The following SLC15A5 variants were observed in gnomAD, a reference collection of about 807,000 sequenced individuals.
SLC15A5 encodes the protein solute carrier family 15 member 5, also known as Peptide/histidine transporter ENSP00000340402.
Under a neutral mutation model 56.1 loss-of-function variants are expected in SLC15A5, and 58 were observed. That is an observed-to-expected ratio of 1.03 (90% confidence interval 0.84 to 1.29). The LOEUF (loss-of-function observed/expected upper bound fraction) is 1.29. Ranked by LOEUF, SLC15A5 falls within the 50% of genes most tolerant of loss-of-function variation. The pLI, the probability that SLC15A5 is intolerant of heterozygous loss-of-function variation, is 0.00. For synonymous variants in SLC15A5, 264 were observed against 250.5 expected, an observed-to-expected ratio of 1.05 and a Z score of -0.51; for missense variants, 681 against 672.1, an observed-to-expected ratio of 1.01 and a Z score of -0.15.
intron 7 of SLC15A5, among the ~76,000 whole-genome samples, chr12:16,215,657 C>G (rs1463959796): frequency 6.6e-6 from 1 of 152,164 alleles, no homozygotes; most frequent in African/African-American, 2.4e-5. Flanking sequence ...TGGATCATAT[C>G]TCACACAATT....
At chr12:16,272,086 A>AT (rs1471432289) in intron 2 of SLC15A5, among the ~76,000 whole-genome samples, 14 of 152,158 alleles carry the variant, frequency 9.2e-5, no homozygotes, top group Non-Finnish European at 1.5e-4. Context: ...AACAGCTACC[A>AT]TTTTTTGATC....
intron 3 of SLC15A5, among the ~76,000 whole-genome samples, chr12:16,253,071 T>C (rs4764256): frequency 6.6e-6 from 1 of 151,796 alleles, no homozygotes; most frequent in Non-Finnish European, 1.5e-5. Context: ...TAGGGCGGGG[T>C]AAATCGGATA....
At chr12:16,236,872 A>G (rs372600364) in intron 5 of SLC15A5, among the ~76,000 whole-genome samples, 1 of 152,218 alleles carries the variant, frequency 6.6e-6, no homozygotes, top group African/African-American at 2.4e-5. Context: ...ATTAACTTCT[A>G]TAATCTAACA....
At position 16,193,780 on chromosome 12, in the gene SLC15A5, GGAGAGAGAGA is replaced by G. The variant is rs766458422; in HGVS notation, c.1592+555_1592+564del. On this transcript the variant is annotated intron_variant, in intron 8 of 8. Transcript: ENST00000344941. ...ACAGCTGTCCAAGAATATGTCAAGG[GGAGAGAGAGA>G]GAGAGAGAGAGAGAGAGAGAGAGAG... Among the ~76,000 whole-genome samples, 438 of 75,756 alleles carry G rather than the reference GGAGAGAGAGA, an allele frequency of 5.8e-3. 36 individuals carry two copies. Among genetic ancestry groups the G allele is most frequent in the Middle Eastern group, 0.026 (3 of 116 alleles). The allele number at this position is 75,756 out of a possible 152,430, so 49.7% of individuals were successfully genotyped here. A position where few individuals can be genotyped will look rare whatever the true frequency, so the allele number is the denominator to read the frequency against.
rs922482621 is a variant in SLC15A5 at position 16,221,697 on chromosome 12, A to C, written c.1351+2717T>G. ...GAGAAGAACACCACAACTGTTTTGA[A>C]GAGAATGGACTCATGGGGCAGGAGA... On this transcript the variant is annotated intron_variant, in intron 6 of 8. Coordinates refer to ENST00000344941, the MANE Select transcript of SLC15A5 (RefSeq NM_001170798.1). 7.2e-5 allele frequency among the ~76,000 whole-genome samples: 11 copies of C among 152,304 alleles called. No homozygotes were observed. The East Asian group carries it at 1.7e-3, about 24-fold the overall frequency.
intron 1 of SLC15A5, among the ~76,000 whole-genome samples, chr12:16,273,444 A>T (rs553881437): frequency 2.3e-4 from 35 of 152,196 alleles, no homozygotes; most frequent in Admixed American, 1.1e-3. Flanking sequence ...AAGGTCGAGT[A>T]TCCTTCTCTC....
rs1406400077 is a variant in SLC15A5 at position 16,257,715 on chromosome 12, TA to T, written c.739del (p.Tyr247IlefsTer10). 1 of 1,469,476 alleles carries T rather than the reference TA, an allele frequency of 6.8e-7. No homozygotes were observed. The highest frequency in any genetic ancestry group is 2.6e-5 in the East Asian group (1 of 37,988). The allele number at this position is 1,469,476 out of a possible 1,614,324, so 91.0% of individuals were successfully genotyped here. A position where few individuals can be genotyped will look rare whatever the true frequency, so the allele number is the denominator to read the frequency against. ...AATTTACTTACGTTTTTCTGACTGA[TA>T]AATTAGGTTGTAGTATATCATATGA... ...TLHMIYYNLI[Y>X]QSEKRCSLLT... On this transcript the variant is annotated frameshift_variant, in exon 3 of 9. Coordinates refer to ENST00000344941, the MANE Select transcript of SLC15A5 (RefSeq NM_001170798.1). LOFTEE classifies it high-confidence loss of function.
In SLC15A5 at chr12:16,217,031, G is replaced by T; in HGVS notation, c.1352-7C>A. 1 of 1,527,082 alleles carries T rather than the reference G, an allele frequency of 6.5e-7. No homozygotes were observed. Among genetic ancestry groups the T allele is most frequent in the Non-Finnish European group, 8.7e-7 (1 of 1,144,010 alleles). 94.6% of individuals were successfully genotyped at this position (1,527,082 alleles called of 1,614,324 possible). On this transcript the variant is annotated splice_region_variant and splice_polypyrimidine_tract_variant and intron_variant, in intron 6 of 8. Transcript: ENST00000344941. ...CTGTATGATATTACAGAGACTGAGA[G>T]AAAAAGAGAGGTCAGAATTTAGAAC...
At chr12:16,194,973 A>G (rs1863879220) in intron 7 of SLC15A5, among the ~76,000 whole-genome samples, 1 of 152,076 alleles carries the variant, frequency 6.6e-6, no homozygotes, top group Non-Finnish European at 1.5e-5. Flanking sequence ...ACCTTATGAT[A>G]ATATCACAGA....
chr12:16,233,240 C>CA (rs1864315395), intron 5 of SLC15A5, among the ~76,000 whole-genome samples: 1 of 152,048 alleles, frequency 6.6e-6, no homozygotes. Flanking sequence ...GCATTACCAG[C>CA]AAAAGTTTAG....
chr12:16,259,905 G>GGC (rs996006244), intron 2 of SLC15A5, among the ~76,000 whole-genome samples: 12 of 146,406 alleles, frequency 8.2e-5, no homozygotes, highest in South Asian at 4.2e-4. Context: ...CCCGGGCGGG[G>GGC]GGTAAGTTAG....
chr12:16,265,857 G>T (rs1864689990), intron 2 of SLC15A5, among the ~76,000 whole-genome samples: 1 of 152,094 alleles, frequency 6.6e-6, no homozygotes, highest in Admixed American at 6.6e-5. Flanking sequence ...TTCATTTATA[G>T]ATTGTGAAGC....
chr12:16,277,404 AG>A lies in SLC15A5; in HGVS notation c.281del (p.Pro94LeufsTer12). Reference sequence around the variant, plus strand: ...CATCAGTGAGCCATCTGACAAACACAGGGGTAAGTATTGAAGTTCCAATAAA... The same window carrying A: ...CATCAGTGAGCCATCTGACAAACACAGGGTAAGTATTGAAGTTCCAATAAA... ...LCFIGTSILTPVFVRWLTDVY... is the reference protein window; with the variant it reads ...LCFIGTSILTXVFVRWLTDVY... On this transcript the variant is annotated frameshift_variant, in exon 1 of 9. Coordinates refer to ENST00000344941, the MANE Select transcript of SLC15A5 (RefSeq NM_001170798.1). LOFTEE classifies it high-confidence loss of function. The A allele has an allele frequency of 1.3e-6, 2 of 1,536,448 alleles. No homozygotes were observed. Among genetic ancestry groups the A allele is most frequent in the Non-Finnish European group, 1.7e-6 (2 of 1,146,374 alleles).
At chr12:16,240,004 A>G (rs929641090) in intron 4 of SLC15A5, 137 bp from the exon 5 acceptor site, 8 of 753,104 alleles carry the variant, frequency 1.1e-5, no homozygotes, top group Admixed American at 8.7e-5. Flanking sequence ...TCAAGTTCCC[A>G]GTTATGAGCT....
At chr12:16,200,593 A>C (rs945156892) in intron 7 of SLC15A5, among the ~76,000 whole-genome samples, 3 of 152,120 alleles carry the variant, frequency 2.0e-5, no homozygotes, top group Non-Finnish European at 4.4e-5. Flanking sequence ...AGTTTCAATA[A>C]CATTAGAAAT....
intron 1 of SLC15A5, among the ~76,000 whole-genome samples, chr12:16,274,330 A>AT (rs1310086823): frequency 6.6e-6 from 1 of 152,008 alleles, no homozygotes; most frequent in African/African-American, 2.4e-5. Flanking sequence ...AGCATCATTA[A>AT]TTTTTTTGTT....
chr12:16,224,594 T>C lies in SLC15A5; in HGVS notation c.1171A>G (p.Asn391Asp). The change falls in exon 6 of 9, where the codon AAT becomes GAT. Residue 391 changes from asparagine (N) to aspartate (D), a missense_variant. Transcript: ENST00000344941. ...SFLSTCIIAG[N>D]LFAALSVMIA... ...ATCACAGACAATGCAGCAAAAAGAT[T>C]TCCAGCAACTGAAGGAAAATAATGC... 6.5e-7 allele frequency: 1 copy of C among 1,528,518 alleles called. No individual in the cohort carries two copies. Among genetic ancestry groups the C allele is most frequent in the Non-Finnish European group, 8.8e-7 (1 of 1,142,292 alleles). The allele number at this position is 1,528,518 out of a possible 1,614,324, so 94.7% of individuals were successfully genotyped here. A position where few individuals can be genotyped will look rare whatever the true frequency, so the allele number is the denominator to read the frequency against.
intron 7 of SLC15A5, among the ~76,000 whole-genome samples, chr12:16,213,847 A>T (rs1433870111): frequency 6.6e-6 from 1 of 152,116 alleles, no homozygotes. Context: ...ATGGGCACCA[A>T]ATTGTGCCAG....
intron 5 of SLC15A5, among the ~76,000 whole-genome samples, chr12:16,228,316 A>C (rs2136251191): frequency 6.6e-6 from 1 of 152,372 alleles, no homozygotes; most frequent in Admixed American, 6.5e-5. Flanking sequence ...GCCTTCAAGC[A>C]TGTTTGCATT....
Sources: allele counts gnomAD v4.1 joint callset (sites outside exome capture counted in the v4.1 genomes callset), GRCh38; gene constraint gnomAD v4.1.1; transcripts MANE v1.5; gene names NCBI Gene and HGNC (gene_info 2026-07-23, HGNC 2026-07-21).